The following GLG1 variants were observed in gnomAD, a reference collection of about 807,000 sequenced individuals.
GLG1 encodes Golgi apparatus protein 1.
A neutral mutation model predicts 160.5 loss-of-function variants in GLG1; 38 were observed. That is an observed-to-expected ratio of 0.24 (90% confidence interval 0.18 to 0.31). The LOEUF (loss-of-function observed/expected upper bound fraction) is 0.31, where lower values mean the gene tolerates loss of function less well. Among genes scored for constraint, GLG1 ranks in the 10% least tolerant of loss-of-function variants. The pLI, the probability that GLG1 is intolerant of heterozygous loss-of-function variation, is 1.00. For synonymous variants in GLG1, 644 were observed against 543.4 expected (o/e 1.19, Z -2.57); for missense variants, 1,373 against 1,505.2 (o/e 0.91, Z 1.45).
At chr16:74,524,610 C>T (rs755786062) in intron 2 of GLG1, among the ~76,000 whole-genome samples, 3 of 149,858 alleles carry the variant, frequency 2.0e-5, no homozygotes, top group Non-Finnish European at 4.4e-5. Flanking sequence ...TATGATGTCT[C>T]GGTTATGCTT....
intron 1 of GLG1, among the ~76,000 whole-genome samples, chr16:74,584,628 C>T (rs189761636): frequency 6.6e-6 from 1 of 152,116 alleles, no homozygotes; most frequent in Non-Finnish European, 1.5e-5. Context: ...AAAAAAACCA[C>T]ACACTGGGGG....
chr16:74,564,131 C>T (rs180749670), intron 1 of GLG1, among the ~76,000 whole-genome samples: 3 of 152,244 alleles, frequency 2.0e-5, no homozygotes, highest in Admixed American at 6.5e-5. Flanking sequence ...ATGTTGCCTA[C>T]GCTGTCTTGA....
At chr16:74,551,708 C>T (rs1243699576) in intron 1 of GLG1, among the ~76,000 whole-genome samples, 1 of 151,210 alleles carries the variant, frequency 6.6e-6, no homozygotes, top group African/African-American at 2.4e-5. Context: ...GGGAGGGGGA[C>T]CTGCCTTTAG....
intron 2 of GLG1, among the ~76,000 whole-genome samples, chr16:74,523,952 T>C (rs1567502115): frequency 2.0e-5 from 3 of 152,084 alleles, no homozygotes; most frequent in Non-Finnish European, 4.4e-5. Flanking sequence ...GGCTCACGCC[T>C]GTGTAATCCC....
intron 25 of GLG1, 101 bp downstream of exon 25, chr16:74,456,548 G>C: frequency 2.6e-6 from 2 of 759,480 alleles, no homozygotes; most frequent in South Asian, 1.5e-5. Context: ...CAGCCACAGC[G>C]AGGAGAGTGG....
At chr16:74,501,580 G>A (rs1183777207) in intron 4 of GLG1, among the ~76,000 whole-genome samples, 2 of 152,196 alleles carry the variant, frequency 1.3e-5, no homozygotes, top group African/African-American at 4.8e-5. Context: ...CTAATCAGCT[G>A]CTACCTTGGT....
At chr16:74,453,453 G>T in intron 25 of GLG1, 119 bp from the exon 26 acceptor site, 1 of 646,750 alleles carries the variant, frequency 1.5e-6, no homozygotes, top group Non-Finnish European at 2.7e-6. Context: ...TGGAGAGGGA[G>T]GGCAGGAGAT....
At position 74,579,052 on chromosome 16, in the gene GLG1, T is replaced by C. The variant is rs1050640667; in HGVS notation, c.438+27605A>G. Reference sequence around the variant, plus strand: ...TTGCCCTAGGAATGCTGAGTTGCAATAACGTACACAAGCTGAGAAGTTAAA... The same window carrying C: ...TTGCCCTAGGAATGCTGAGTTGCAACAACGTACACAAGCTGAGAAGTTAAA... On this transcript the variant is annotated intron_variant, in intron 1 of 25. Transcript: ENST00000422840. Among the ~76,000 whole-genome samples, 3 of 152,136 alleles carry C rather than the reference T, an allele frequency of 2.0e-5. No individual in the cohort carries two copies. In the East Asian group the frequency reaches 5.8e-4, roughly 29 times the overall value.
Position 74,453,164 on chromosome 16 carries a change from G to A in GLG1, c.*3C>T, listed in dbSNP as rs926501637. The A allele has an allele frequency of 1.2e-6, 2 of 1,613,450 alleles. No individual in the cohort carries two copies. Among genetic ancestry groups the A allele is most frequent in the South Asian group, 2.2e-5 (2 of 91,014 alleles). On this transcript the variant is annotated 3_prime_UTR_variant, in exon 26 of 26. Transcript: ENST00000422840. ...GGTAGTTCCTTTGGTGGTCAAGGTG[G>A]CTCTACCTGTCCTTGAGCTCTCGTG...
At chr16:74,467,701 T>G in intron 18 of GLG1, 55 bp downstream of exon 18, 1 of 1,196,794 alleles carries the variant, frequency 8.4e-7, no homozygotes. Flanking sequence ...TGAGAAAACA[T>G]TAAATATTAC....
At chr16:74,567,654 C>T (rs1426842491) in intron 1 of GLG1, among the ~76,000 whole-genome samples, 3 of 149,004 alleles carry the variant, frequency 2.0e-5, no homozygotes, top group Admixed American at 1.4e-4. Context: ...CTGCAAGCTC[C>T]GCTTCCCGGG....
intron 2 of GLG1, among the ~76,000 whole-genome samples, chr16:74,519,811 C>T (rs1316170742): frequency 2.0e-5 from 3 of 152,104 alleles, no homozygotes. Context: ...CATTTCTTGA[C>T]TTGTCACTTT....
At chr16:74,569,879 A>G (rs1284129967) in intron 1 of GLG1, among the ~76,000 whole-genome samples, 4 of 151,266 alleles carry the variant, frequency 2.6e-5, no homozygotes, top group East Asian at 1.9e-4. Context: ...AAAAAAGAAA[A>G]AAAAAAAAAA....
chr16:74,546,837 C>CAAAAAAAAAGAAAAA (rs2018061043), intron 1 of GLG1, among the ~76,000 whole-genome samples: 1 of 59,702 alleles, frequency 1.7e-5, no homozygotes, highest in African/African-American at 7.6e-5. Flanking sequence ...GACTCCATCT[C>CAAAAAAAAAGAAAAA]AAAAAAAAAA....
Position 74,471,276 on chromosome 16 carries a change from T to C in GLG1, c.2126A>G (p.Asp709Gly). 6.4e-7 allele frequency: 1 copy of C among 1,567,790 alleles called. No individual in the cohort carries two copies. The change falls in exon 15 of 26, where the codon GAT becomes GGT. Residue 709 changes from aspartate to glycine, a missense_variant. Asp to Gly is a moderately conservative substitution (Grantham distance 94). Coordinates refer to ENST00000422840, the MANE Select transcript of GLG1 (RefSeq NM_001145667.2). ...CAGGTCCCCAGAGTCTATCTGGTTATCTGCCACATCCTGGGGAAGACAGCA... is the reference window on the plus strand; with the variant it reads ...CAGGTCCCCAGAGTCTATCTGGTTACCTGCCACATCCTGGGGAAGACAGCA... ...IIQNFCHDVA[D>G]NQIDSGDLME...
intron 1 of GLG1, among the ~76,000 whole-genome samples, chr16:74,571,570 C>T (rs1296395759): frequency 1.3e-5 from 2 of 151,876 alleles, no homozygotes; most frequent in Non-Finnish European, 2.9e-5. Context: ...AAGAGAATCG[C>T]TCGTACCCAG....
At chr16:74,586,531 G>A (rs530150541) in intron 1 of GLG1, among the ~76,000 whole-genome samples, 54 of 152,034 alleles carry the variant, frequency 3.6e-4, no homozygotes, top group African/African-American at 1.1e-3. Context: ...CTGGAGTGCA[G>A]TGGCACAATC....
At chr16:74,523,873 C>A (rs576153896) in intron 2 of GLG1, among the ~76,000 whole-genome samples, 75 of 152,170 alleles carry the variant, frequency 4.9e-4, no homozygotes, top group Admixed American at 7.9e-4. Flanking sequence ...ATTACCTCAT[C>A]TGTAAATAAT....
Position 74,450,618 on chromosome 16 carries a change from A to T in GLG1, c.*2549T>A, listed in dbSNP as rs1314200222. ...GTAATCCCAGCACTTTGGGAAGCTG[A>T]GGCGGGTGGATCATGAGATCAGGAG... is the stretch of plus-strand genomic sequence containing the variant. On this transcript the variant is annotated 3_prime_UTR_variant, in exon 26 of 26. Transcript: ENST00000422840. 2 of 152,236 alleles carry T rather than the reference A, an allele frequency of 1.3e-5. No homozygotes were observed. The highest frequency in any genetic ancestry group is 1.3e-4 in the Admixed American group (2 of 15,280). The allele number at this position is 152,236 out of a possible 1,614,324, so 9.4% of individuals were successfully genotyped here.
Sources: gnomAD v4.1 joint callset for allele counts (sites outside exome capture counted in the v4.1 genomes callset) on GRCh38, gnomAD v4.1.1 for gene constraint, MANE v1.5 for transcripts, NCBI Gene and HGNC (gene_info 2026-07-23, HGNC 2026-07-21) for gene names.